SQOR: variants seen among roughly 807,000 people sequenced by gnomAD.
SQOR encodes the protein sulfide quinone oxidoreductase.
A neutral mutation model predicts 48.6 loss-of-function variants in SQOR; 39 were observed. That is an observed-to-expected ratio of 0.80 (90% CI 0.62 to 1.05). The LOEUF is 1.05. Ranked by LOEUF, SQOR falls within the 50% of genes least tolerant of loss-of-function variation. SQOR has a pLI of 0.00. For synonymous variants in SQOR, 220 were observed against 206.2 expected, an observed-to-expected ratio of 1.07 and a Z score of -0.57; for missense variants, 561 against 559.9, an observed-to-expected ratio of 1.00 and a Z score of -0.02.
chr15:45,634,200 A>ACAAC (rs1289758197), upstream of SQOR, among the ~76,000 whole-genome samples: 60 of 104,616 alleles, frequency 5.7e-4, 1 homozygote, highest in Non-Finnish European at 1.0e-3. Context: ...AACAACAACT[A>ACAAC]TATATATATA....
chr15:45,657,624 C>T (rs1252179628), intron 1 of SQOR, among the ~76,000 whole-genome samples: 2 of 152,114 alleles, frequency 1.3e-5, no homozygotes, highest in Non-Finnish European at 2.9e-5. Flanking sequence ...AACAGCCCCT[C>T]AGCTCCTCTT....
intron 7 of SQOR, 131 bp downstream of exon 7, chr15:45,682,792 C>T: frequency 9.6e-7 from 1 of 1,045,280 alleles, no homozygotes. Flanking sequence ...CTTTGGGAGA[C>T]TCAGGCAGGC....
At chr15:45,658,660 CA>C (rs1296829520) in intron 1 of SQOR, among the ~76,000 whole-genome samples, 1 of 152,270 alleles carries the variant, frequency 6.6e-6, no homozygotes, top group South Asian at 2.1e-4. Context: ...CTGATTCAAA[CA>C]AAGTCCTCGA....
In SQOR at chr15:45,665,085, G is replaced by C. The variant is rs538068769; in HGVS notation, c.405+2960G>C. Among the ~76,000 whole-genome samples the C allele has an allele frequency of 3.1e-3, 477 of 152,218 alleles. 2 individuals are homozygous for C. Among genetic ancestry groups the C allele is most frequent in the Non-Finnish European group, 5.4e-3 (364 of 68,012 alleles). On this transcript the variant is annotated intron_variant, in intron 3 of 9. Coordinates refer to ENST00000260324, the MANE Select transcript of SQOR (RefSeq NM_021199.4). ...ATTGTTTGGACCCCTTCAAGCTACA[G>C]GAAGAGCTTTAGAGCCTTCGGTGGT...
chr15:45,690,293 T>C (rs1211311860), intron 9 of SQOR, among the ~76,000 whole-genome samples: 1 of 152,122 alleles, frequency 6.6e-6, no homozygotes, highest in East Asian at 1.9e-4. Context: ...CTCAAACTCC[T>C]GGCCTCAAAT....
upstream of SQOR, among the ~76,000 whole-genome samples, chr15:45,633,222 T>C (rs1894930014): frequency 6.6e-6 from 1 of 152,160 alleles, no homozygotes; most frequent in Non-Finnish European, 1.5e-5. Context: ...CATTCAAGTA[T>C]GCAAAAAACC....
At chr15:45,682,409 A>G (rs949712550) in intron 6 of SQOR, 69 bp from the exon 7 acceptor site, 2 of 1,538,136 alleles carry the variant, frequency 1.3e-6, no homozygotes, top group East Asian at 2.3e-5. Context: ...TAAGGAAGGT[A>G]GGGGGAGAGC....
At chr15:45,662,662 G>C (rs1889742746) in intron 3 of SQOR, among the ~76,000 whole-genome samples, 1 of 152,138 alleles carries the variant, frequency 6.6e-6, no homozygotes, top group South Asian at 2.1e-4. Flanking sequence ...GCACCTTTTA[G>C]AAGTCTCCCA....
intron 1 of SQOR, among the ~76,000 whole-genome samples, chr15:45,655,427 A>G (rs532397482): frequency 2.6e-5 from 4 of 152,334 alleles, no homozygotes; most frequent in African/African-American, 9.6e-5. Context: ...CTGGGTACAC[A>G]CCATAAAATA....
chr15:45,633,693 CAA>C (rs397854330), upstream of SQOR, among the ~76,000 whole-genome samples: 1,957 of 77,478 alleles, frequency 0.025, 38 homozygotes, highest in African/African-American at 0.087. Context: ...GACTTCGCCT[CAA>C]AAAAAAAAAA....
At chr15:45,634,134 C>G (rs529132853), upstream of SQOR, among the ~76,000 whole-genome samples, 3 of 141,758 alleles carry the variant, frequency 2.1e-5, no homozygotes, top group South Asian at 6.7e-4. Flanking sequence ...CGAGATTGCT[C>G]TACTCACTGC....
At chr15:45,680,779 A>G (rs749972396) in intron 6 of SQOR, among the ~76,000 whole-genome samples, 7 of 152,192 alleles carry the variant, frequency 4.6e-5, no homozygotes, top group African/African-American at 7.2e-5. Context: ...GTAAAACTCC[A>G]TACCTTTATG....
chr15:45,635,818 G>A (rs1432854199), intron 1 of SQOR, among the ~76,000 whole-genome samples: 1 of 149,968 alleles, frequency 6.7e-6, no homozygotes, highest in Non-Finnish European at 1.5e-5. Context: ...GGCATTTCTG[G>A]GAAGGCTAAA....
rs1259720065 is a variant in SQOR at position 45,676,200 on chromosome 15, G to T, written c.754G>T (p.Glu252Ter). The T allele has an allele frequency of 3.1e-6, 5 of 1,614,006 alleles. No homozygotes were observed. In the Admixed American group the frequency reaches 6.7e-5, roughly 22 times the overall value. ...AGATGCCCTGCAGGAGATCATCCAG[G>T]AGCGGAACCTCACTGTTAACTACAA... ...YADALQEIIQ[E>*]RNLTVNYKKN... Residue 252 changes from glutamate (E) to a stop codon, truncating the protein, a stop_gained, in exon 6 of 10, where the codon GAG (glutamate) becomes TAG (stop). Coordinates refer to ENST00000260324, the MANE Select transcript of SQOR (RefSeq NM_021199.4). LOFTEE classifies it high-confidence loss of function.
rs188582276 is a variant in SQOR at position 45,674,844 on chromosome 15, G to A, written c.654+1043G>A. ...TTTGACATTTAGTTTACCAAAGTGC[G>A]GTTTGGCTTGAGACAGTGGCAGGAT... is the stretch of plus-strand genomic sequence containing the variant. On this transcript the variant is annotated intron_variant, in intron 5 of 9. Transcript: ENST00000260324. 2.4e-4 allele frequency among the ~76,000 whole-genome samples: 37 copies of A among 152,282 alleles called. No homozygotes were observed. The East Asian group carries it at 4.8e-3, about 20-fold the overall frequency.
In SQOR at chr15:45,676,150, C is replaced by A. The variant is rs778925345; in HGVS notation, c.704C>A (p.Ala235Asp). 1 of 1,614,140 alleles carries A rather than the reference C, an allele frequency of 6.2e-7. No individual in the cohort carries two copies. The highest frequency in any genetic ancestry group is 2.2e-5 in the East Asian group (1 of 44,886). ...ATCATTTTCAACACTTCTCTTGGAG[C>A]CATTTTCGGGGTTAAGAAGTATGCA... The part of the protein sequence containing the change: ...ANIIFNTSLG[A>D]IFGVKKYADA... Residue 235 changes from alanine to aspartate, a missense_variant, in exon 6 of 10, where the codon GCC (alanine) becomes GAC (aspartate). Physicochemically the swap from Ala to Asp is moderately radical, Grantham distance 126 (BLOSUM62 -2). Coordinates refer to ENST00000260324, the MANE Select transcript of SQOR (RefSeq NM_021199.4).
intron 1 of SQOR, among the ~76,000 whole-genome samples, chr15:45,650,055 C>T (rs572032235): frequency 6.6e-6 from 1 of 151,924 alleles, no homozygotes; most frequent in Non-Finnish European, 1.5e-5. Context: ...GTTGGCCAGG[C>T]TGGTCTTTAA....
At chr15:45,668,595 C>T (rs908636144) in intron 3 of SQOR, among the ~76,000 whole-genome samples, 1 of 152,134 alleles carries the variant, frequency 6.6e-6, no homozygotes, top group African/African-American at 2.4e-5. Flanking sequence ...CTGAAGCTCC[C>T]GGATGCCAGG....
chr15:45,691,003 C>T lies in SQOR; in HGVS notation c.1326C>T (p.Arg442=), dbSNP rs370684191. Residue 442 remains arginine (R), a synonymous_variant, in exon 10 of 10, where the codon CGC becomes CGT. Transcript: ENST00000260324. ...ACTGGGGAGGACCAGCGTTTCTGCGCAAGTTGTTTCATCTAGGTATGAGTT... is the reference window on the plus strand; with the variant it reads ...ACTGGGGAGGACCAGCGTTTCTGCGTAAGTTGTTTCATCTAGGTATGAGTT... The part of the protein sequence containing the change: ...RGYWGGPAFL[R]KLFHLGMS 1.0e-4 allele frequency: 166 copies of T among 1,614,032 alleles called. No individual in the cohort carries two copies. The highest frequency in any genetic ancestry group is 1.2e-4 in the Non-Finnish European group (147 of 1,180,030).
Sources: allele counts gnomAD v4.1 joint callset (sites outside exome capture counted in the v4.1 genomes callset), GRCh38; gene constraint gnomAD v4.1.1; transcripts MANE v1.5; gene names NCBI Gene and HGNC (gene_info 2026-07-23, HGNC 2026-07-21).